Variants in NAV1 observed in about 807,000 individuals in gnomAD.
NAV1 encodes the protein neuron navigator 1.
A neutral mutation model predicts 175.2 loss-of-function variants in NAV1; 18 were observed. The observed-to-expected ratio is 0.10, with a 90% CI of 0.07 to 0.15. NAV1 has a LOEUF of 0.15. NAV1 is among the 10% of genes least tolerant of loss of function. The pLI is 1.00. For missense variants in NAV1, 1,731 were observed against 2,436.6 expected, an observed-to-expected ratio of 0.71 and a Z score of 6.10; for synonymous variants, 897 against 978.7, an observed-to-expected ratio of 0.92 and a Z score of 1.56.
intron 1 of NAV1, among the ~76,000 whole-genome samples, chr1:201,692,647 A>G (rs144615745): frequency 1.3e-5 from 2 of 152,304 alleles, no homozygotes; most frequent in East Asian, 3.9e-4. Context: ...GAGGAAGACA[A>G]AGGCTCACAT....
At chr1:201,639,377 A>G (rs1209400899) in intron 2 of NAV1, among the ~76,000 whole-genome samples, 1 of 152,184 alleles carries the variant, frequency 6.6e-6, no homozygotes, top group Non-Finnish European at 1.5e-5. Flanking sequence ...TGGCTTTAAA[A>G]GAAGGAAGGT....
chr1:201,565,142 T>C (rs1224554422), intron 1 of NAV1, among the ~76,000 whole-genome samples: 1 of 152,214 alleles, frequency 6.6e-6, no homozygotes, highest in Non-Finnish European at 1.5e-5. Context: ...CAGAGAACAC[T>C]AATGGTTCCT....
rs1056568136 is a variant in NAV1, at chr1:201,808,587, C to T, written c.4015C>T (p.Arg1339Trp). The T allele has an allele frequency of 5.0e-6, 8 of 1,614,104 alleles. No individual in the cohort carries two copies. The highest frequency in any genetic ancestry group is 1.3e-5 in the African/African-American group (1 of 74,934). ...CTCTGCCCACCAACTGGATCAGCTTCGGGAGACCATGCACAACATGCAGGT... is the reference window on the plus strand; with the variant it reads ...CTCTGCCCACCAACTGGATCAGCTTTGGGAGACCATGCACAACATGCAGGT... Residue 1339 changes from arginine (R) to tryptophan (W), a missense_variant, in exon 19 of 30, where the codon CGG becomes TGG. Arg to Trp is a moderately radical substitution (Grantham distance 101). Coordinates refer to ENST00000367296, the Ensembl canonical transcript of NAV1. The surrounding 1 kb of genome is among the most constrained non-coding windows in gnomAD (Gnocchi z 5.5).
intron 1 of NAV1, among the ~76,000 whole-genome samples, chr1:201,670,319 T>C (rs1361815238): frequency 7.4e-6 from 1 of 135,888 alleles, no homozygotes; most frequent in African/African-American, 2.9e-5. Flanking sequence ...AGGCCGAGTT[T>C]GCAGTGAACC....
intron 3 of NAV1, among the ~76,000 whole-genome samples, chr1:201,768,288 C>T (rs1558142999): frequency 1.4e-5 from 2 of 143,910 alleles, no homozygotes; most frequent in Admixed American, 1.5e-4. Context: ...AAGATTGCGC[C>T]ATTGCACTGC....
rs528038781 is a variant in NAV1, at chr1:201,655,810, C to T, written c.757+6385C>T. 2.0e-4 allele frequency among the ~76,000 whole-genome samples: 30 copies of T among 152,260 alleles called. No individual in the cohort carries two copies. The South Asian group carries it at 6.0e-3, about 30-fold the overall frequency. ...TGTGCCTGGGATAAGCAGGGTGACC[C>T]GCTTTTCACCATGGTGCTTTGCACC... On this transcript the variant is annotated intron_variant, in intron 1 of 29. Coordinates refer to ENST00000367296, the Ensembl canonical transcript of NAV1.
At chr1:201,599,061 A>G (rs1452245479) in intron 2 of NAV1, among the ~76,000 whole-genome samples, 2 of 152,212 alleles carry the variant, frequency 1.3e-5, no homozygotes, top group African/African-American at 4.8e-5. Context: ...ATGGGGAGGC[A>G]TAAGGCCAGA....
intron 2 of NAV1, among the ~76,000 whole-genome samples, chr1:201,642,043 TCCTTCCTTC>T (rs1668772839): frequency 1.3e-5 from 2 of 150,354 alleles, no homozygotes; most frequent in African/African-American, 2.5e-5. Flanking sequence ...CTCCTTCCTT[TCCTTCCTTC>T]CCTTTTCTTT....
chr1:201,789,224 G>A (rs1220822895), intron 10 of NAV1, among the ~76,000 whole-genome samples: 1 of 152,118 alleles, frequency 6.6e-6, no homozygotes, highest in Non-Finnish European at 1.5e-5. Flanking sequence ...CTACAGACAT[G>A]CTTTAGTTCT....
intron 1 of NAV1, among the ~76,000 whole-genome samples, chr1:201,678,748 C>T (rs968161327): frequency 6.6e-6 from 1 of 152,224 alleles, no homozygotes; most frequent in Non-Finnish European, 1.5e-5. Flanking sequence ...CTCACCACCA[C>T]AACGAATCTC....
chr1:201,589,796 A>T (rs1667136241), intron 2 of NAV1, among the ~76,000 whole-genome samples: 1 of 151,982 alleles, frequency 6.6e-6, no homozygotes, highest in Non-Finnish European at 1.5e-5. Context: ...CCGGCCTGTT[A>T]TTTGTTATTG....
exon 1 of NAV1, chr1:201,648,713 G>GAGC: frequency 7.1e-7 from 1 of 1,417,652 alleles, no homozygotes; most frequent in Non-Finnish European, 9.2e-7. Flanking sequence ...AGGTGGAGCT[G>GAGC]AGCAGCGGCG....
intron 1 of NAV1, among the ~76,000 whole-genome samples, chr1:201,541,069 T>C (rs551163911): frequency 2.6e-4 from 39 of 152,352 alleles, no homozygotes; most frequent in African/African-American, 9.4e-4. Flanking sequence ...CTGATTTCCC[T>C]TGGGGCAGGT....
chr1:201,570,631 G>A (rs1321408508), intron 1 of NAV1, among the ~76,000 whole-genome samples: 2 of 152,228 alleles, frequency 1.3e-5, no homozygotes, highest in African/African-American at 4.8e-5. Context: ...GGCCTATACT[G>A]AAGGGTCTTC....
At chr1:201,638,456 G>A (rs938706888) in intron 2 of NAV1, among the ~76,000 whole-genome samples, 3 of 152,218 alleles carry the variant, frequency 2.0e-5, no homozygotes, top group Admixed American at 6.5e-5. Flanking sequence ...GGTTACAGGA[G>A]CTCCTCAGCA....
chr1:201,540,264 T>A (rs1665473661), intron 1 of NAV1, among the ~76,000 whole-genome samples: 1 of 152,080 alleles, frequency 6.6e-6, no homozygotes, highest in Non-Finnish European at 1.5e-5. Context: ...TTTGTTAGGA[T>A]AGTCACAGGG....
intron 1 of NAV1, among the ~76,000 whole-genome samples, chr1:201,550,886 G>A (rs1049034011): frequency 5.9e-5 from 9 of 152,204 alleles, no homozygotes; most frequent in African/African-American, 1.9e-4. Context: ...GAGGATGGAG[G>A]TTGGCTTGAC....
intron 3 of NAV1, among the ~76,000 whole-genome samples, chr1:201,743,984 A>G (rs1673599834): frequency 6.6e-6 from 1 of 152,148 alleles, no homozygotes; most frequent in Non-Finnish European, 1.5e-5. Context: ...TCCCAGATTC[A>G]AGCGATTCTC....
rs1676866023 is a variant in NAV1, at chr1:201,787,897, G to A, written c.2996-571G>A. The A allele has an allele frequency of 1.2e-5, 4 of 343,510 alleles. No individual in the cohort carries two copies. The highest frequency in any genetic ancestry group is 1.7e-5 in the Non-Finnish European group (3 of 173,132). The allele number at this position is 343,510 out of a possible 1,614,324, so 21.3% of individuals were successfully genotyped here. ...AGCCGGGGCAATGCTAGGCAAAGAG[G>A]GCCATGTTTCTTGATGCTTTAGCGC... is the stretch of plus-strand genomic sequence containing the variant. On this transcript the variant is annotated intron_variant, in intron 9 of 29. Transcript: ENST00000367296. The surrounding 1 kb of genome is among the most constrained non-coding windows in gnomAD (Gnocchi z 4.3).
Sources: allele counts gnomAD v4.1 joint callset (sites outside exome capture counted in the v4.1 genomes callset), GRCh38; gene constraint gnomAD v4.1.1; non-coding constraint Gnocchi (gnomAD v3.1); transcripts MANE v1.5; gene names NCBI Gene and HGNC (gene_info 2026-07-23, HGNC 2026-07-21).